The following LINGO2 variants were observed in gnomAD, a reference collection of about 807,000 sequenced individuals.
LINGO2 encodes leucine-rich repeat and immunoglobulin-like domain-containing nogo receptor-interacting protein 2.
A neutral mutation model predicts 30.6 loss-of-function variants in LINGO2; 14 were observed. The observed-to-expected ratio is 0.46, with a 90% CI of 0.30 to 0.72. The LOEUF is 0.72. Among genes scored for constraint, LINGO2 ranks in the 30% least tolerant of loss-of-function variants. The probability of loss-of-function intolerance (pLI) is 0.07; values close to 1 mark genes in which losing one functional copy is unlikely to be tolerated. For synonymous variants in LINGO2, 317 were observed against 288.5 expected, an observed-to-expected ratio of 1.10 and a Z score of -1.00; for missense variants, 729 against 751.7, an observed-to-expected ratio of 0.97 and a Z score of 0.35.
intron 1 of LINGO2, among the ~76,000 whole-genome samples, chr9:28,480,120 A>C (rs1270229137): frequency 6.6e-6 from 1 of 151,424 alleles, no homozygotes; most frequent in African/African-American, 2.4e-5. Context: ...TAGGTCAATA[A>C]TGGTTTCACT....
the LINGO2 span, among the ~76,000 whole-genome samples, chr9:28,892,781 C>T: frequency 6.6e-6 from 1 of 151,848 alleles, no homozygotes; most frequent in African/African-American, 2.4e-5. Flanking sequence ...AATACTGTTC[C>T]TTAAATAGTT....
chr9:28,498,886 A>C (rs1024089229), intron 1 of LINGO2, among the ~76,000 whole-genome samples: 1 of 151,600 alleles, frequency 6.6e-6, no homozygotes, highest in Non-Finnish European at 1.5e-5. Context: ...CTATATAATA[A>C]AAATAATACT....
At chr9:29,043,853 C>T in the LINGO2 span, among the ~76,000 whole-genome samples, 1 of 152,024 alleles carries the variant, frequency 6.6e-6, no homozygotes. Flanking sequence ...GAACCTCATT[C>T]ATCGCAATTT....
the LINGO2 span, among the ~76,000 whole-genome samples, chr9:29,210,844 G>C: frequency 6.6e-6 from 1 of 152,204 alleles, no homozygotes; most frequent in East Asian, 1.9e-4. Flanking sequence ...CATTTTACTG[G>C]TTTTGAACAG....
chr9:28,989,751 T>C, the LINGO2 span, among the ~76,000 whole-genome samples: 7 of 152,306 alleles, frequency 4.6e-5, no homozygotes, highest in South Asian at 1.0e-3. Context: ...ACTATATATG[T>C]TGTTTCCCTG....
At chr9:28,992,160 G>C in the LINGO2 span, among the ~76,000 whole-genome samples, 1 of 151,846 alleles carries the variant, frequency 6.6e-6, no homozygotes, top group African/African-American at 2.4e-5. Flanking sequence ...AAAATAAAAG[G>C]ATGGAGGAAG....
At chr9:28,980,060 G>A in the LINGO2 span, among the ~76,000 whole-genome samples, 98,991 of 151,982 alleles carry the variant, frequency 0.65, 32,830 homozygotes, top group Non-Finnish European at 0.72. Flanking sequence ...TCCCAACCCA[G>A]TCTGCCCTTC....
At chr9:28,934,061 G>A in the LINGO2 span, among the ~76,000 whole-genome samples, 64 of 152,200 alleles carry the variant, frequency 4.2e-4, no homozygotes, top group African/African-American at 1.5e-3. Context: ...TAGGAGTGTA[G>A]CACTTCTTCC....
At chr9:28,837,021 C>T in the LINGO2 span, among the ~76,000 whole-genome samples, 4 of 152,218 alleles carry the variant, frequency 2.6e-5, no homozygotes, top group African/African-American at 9.6e-5. Context: ...CAAAGTTATC[C>T]TTTGAGAGAA....
At chr9:29,152,154 C>CA in the LINGO2 span, among the ~76,000 whole-genome samples, 6 of 151,604 alleles carry the variant, frequency 4.0e-5, no homozygotes, top group Admixed American at 2.6e-4. Flanking sequence ...TATTAAAAAG[C>CA]AAAAAAACAA....
Position 28,020,531 on chromosome 9 carries a change from AAAAACAAAACAAAACAAAACAAAAC to A in LINGO2, c.-86-8151_-86-8127del, listed in dbSNP as rs138914532. Among the ~76,000 whole-genome samples the A allele has an allele frequency of 7.4e-5, 11 of 148,686 alleles. No individual in the cohort carries two copies. In the South Asian group the frequency reaches 1.8e-3, roughly 24 times the overall value. On this transcript the variant is annotated intron_variant, in intron 4 of 5. Transcript: ENST00000379992. The stretch of plus-strand genomic sequence containing the variant: ...CCAACAGAGTGAGACTCTGTCTTAT[AAAAACAAAACAAAACAAAACAAAAC>A]AAAACAAAACAAAACAAACAAAACA...
intron 1 of LINGO2, among the ~76,000 whole-genome samples, chr9:28,657,638 C>CT (rs1311547670): frequency 2.6e-5 from 4 of 151,878 alleles, no homozygotes; most frequent in African/African-American, 9.7e-5. Context: ...TTTGAATCTT[C>CT]TTTTCTTCCC....
chr9:28,767,514 G>C, the LINGO2 span, among the ~76,000 whole-genome samples: 2 of 151,974 alleles, frequency 1.3e-5, no homozygotes, highest in Non-Finnish European at 2.9e-5. Flanking sequence ...GGCCAGGCAC[G>C]GTGGCTCAGG....
chr9:29,027,654 ATTTG>A, the LINGO2 span, among the ~76,000 whole-genome samples: 2 of 152,112 alleles, frequency 1.3e-5, no homozygotes, highest in Non-Finnish European at 2.9e-5. Flanking sequence ...GAGTTTATAT[ATTTG>A]TTTTTCTTAA....
At chr9:28,319,784 A>G (rs1346240510) in intron 3 of LINGO2, among the ~76,000 whole-genome samples, 1 of 152,264 alleles carries the variant, frequency 6.6e-6, no homozygotes, top group East Asian at 1.9e-4. Context: ...CTTTCTTCTG[A>G]TGGGATTATA....
At chr9:29,117,178 T>C in the LINGO2 span, among the ~76,000 whole-genome samples, 1 of 152,136 alleles carries the variant, frequency 6.6e-6, no homozygotes, top group Non-Finnish European at 1.5e-5. Context: ...CATAAATGAT[T>C]GTTGAGGTTG....
chr9:29,137,119 G>C, the LINGO2 span, among the ~76,000 whole-genome samples: 2 of 152,068 alleles, frequency 1.3e-5, no homozygotes, highest in Admixed American at 1.3e-4. Flanking sequence ...ATCTTGTCCT[G>C]AGTATTGTTT....
At chr9:28,316,627 A>G (rs1824855487) in intron 3 of LINGO2, among the ~76,000 whole-genome samples, 1 of 152,186 alleles carries the variant, frequency 6.6e-6, no homozygotes, top group Admixed American at 6.5e-5. Flanking sequence ...GTCCCCAGAG[A>G]GGAACCGGCA....
At chr9:28,422,363 T>C (rs958046357) in intron 2 of LINGO2, among the ~76,000 whole-genome samples, 3 of 151,976 alleles carry the variant, frequency 2.0e-5, no homozygotes, top group Non-Finnish European at 4.4e-5. Flanking sequence ...GTAAAGGACT[T>C]CAATAAAGGA....
Sources: allele counts gnomAD v4.1 joint callset (sites outside exome capture counted in the v4.1 genomes callset), GRCh38; gene constraint gnomAD v4.1.1; transcripts MANE v1.5; gene names NCBI Gene and HGNC (gene_info 2026-07-23, HGNC 2026-07-21).